Variants in PDE11A observed in about 807,000 individuals in gnomAD.
PDE11A encodes dual 3',5'-cyclic-AMP and -GMP phosphodiesterase 11A.
A neutral mutation model predicts 100.5 loss-of-function variants in PDE11A; 100 were observed. The ratio of observed to expected loss-of-function variants is 1.00; its 90% CI spans 0.85 to 1.18. PDE11A has a LOEUF of 1.18. Ranked by LOEUF, PDE11A falls within the 50% of genes most tolerant of loss-of-function variation. PDE11A has a pLI of 0.00. For missense variants in PDE11A, 1,141 were observed against 1,152.6 expected, an observed-to-expected ratio of 0.99 and a Z score of 0.15; for synonymous variants, 381 against 420.8, an observed-to-expected ratio of 0.91 and a Z score of 1.16.
chr2:177,714,544 G>T (rs1024079417), intron 12 of PDE11A, among the ~76,000 whole-genome samples: 7 of 152,158 alleles, frequency 4.6e-5, no homozygotes, highest in Admixed American at 1.3e-4. Flanking sequence ...AAGGGAGCAA[G>T]CTCCTAGCAT....
At chr2:177,749,764 T>G (rs909734205) in intron 10 of PDE11A, among the ~76,000 whole-genome samples, 11 of 152,336 alleles carry the variant, frequency 7.2e-5, no homozygotes, top group African/African-American at 2.6e-4. Flanking sequence ...TTGAATAATT[T>G]CTAAGGCCCT....
At position 178,072,686 on chromosome 2, in the gene PDE11A, C is replaced by T. The variant is rs2087153557; in HGVS notation, c.-249G>A. ...CGCACAGGTGCCCAGCACTGAGCTGCCGCCGCTGCCCCGGCTCCTGTTCCG... is the reference window on the plus strand; with the variant it reads ...CGCACAGGTGCCCAGCACTGAGCTGTCGCCGCTGCCCCGGCTCCTGTTCCG... On this transcript the variant is annotated 5_prime_UTR_variant, in exon 1 of 20. Coordinates refer to ENST00000286063, the MANE Select transcript of PDE11A (RefSeq NM_016953.4). The T allele has an allele frequency of 7.1e-7, 1 of 1,410,702 alleles. No individual in the cohort carries two copies. The highest frequency in any genetic ancestry group is 1.4e-5 in the African/African-American group (1 of 69,370). 87.4% of individuals were successfully genotyped at this position (1,410,702 alleles called of 1,614,324 possible).
Position 177,905,194 on chromosome 2 carries a change from C to A in PDE11A, c.1072-7G>T. On this transcript the variant is annotated splice_polypyrimidine_tract_variant and splice_region_variant and intron_variant, in intron 2 of 19. Coordinates refer to ENST00000286063, the MANE Select transcript of PDE11A (RefSeq NM_016953.4). ...GAAGATACATCTGCATAACCTGGGA[C>A]AAAGAGAGTAGTAAGAACATTAAAA... 6.6e-7 allele frequency: 1 copy of A among 1,508,142 alleles called. No homozygotes were observed. Among genetic ancestry groups the A allele is most frequent in the Non-Finnish European group, 9.2e-7 (1 of 1,082,776 alleles). The allele number at this position is 1,508,142 out of a possible 1,614,324, so 93.4% of individuals were successfully genotyped here. A position where few individuals can be genotyped will look rare whatever the true frequency, so the allele number is the denominator to read the frequency against.
chr2:177,696,798 G>A (rs1415659810), intron 15 of PDE11A, among the ~76,000 whole-genome samples: 2 of 152,150 alleles, frequency 1.3e-5, no homozygotes, highest in African/African-American at 4.8e-5. Context: ...AGGCTGCTAA[G>A]AGAGATGGCG....
intron 19 of PDE11A, among the ~76,000 whole-genome samples, chr2:177,658,452 C>CCCCTTCCCTCCTCTGCCTCTCCT (rs2080423091): frequency 6.6e-6 from 1 of 151,698 alleles, no homozygotes; most frequent in Non-Finnish European, 1.5e-5. Flanking sequence ...CTTCTCTCCT[C>CCCCTTCCCTCCTCTGCCTCTCCT]CCCTTCCCTC....
chr2:177,942,339 C>T (rs1400833021), intron 2 of PDE11A, among the ~76,000 whole-genome samples: 1 of 152,132 alleles, frequency 6.6e-6, no homozygotes. Context: ...TGGCACCTAA[C>T]AAGTGCCCAG....
Position 178,008,357 on chromosome 2 carries a change from T to C in PDE11A, c.1071+5945A>G, listed in dbSNP as rs2086237043. 2.0e-5 allele frequency among the ~76,000 whole-genome samples: 3 copies of C among 152,194 alleles called. No individual in the cohort carries two copies. In the South Asian group the frequency reaches 6.2e-4, roughly 32 times the overall value. On this transcript the variant is annotated intron_variant, in intron 2 of 19. Transcript: ENST00000286063. ...ATTAAGCTGATTAGTTGTTTGAGGG[T>C]TGGCTATTATAGTAGTACTACAGCT... is the stretch of plus-strand genomic sequence containing the variant.
intron 9 of PDE11A, chr2:177,797,329 T>C (rs1032097983): frequency 3.3e-5 from 5 of 152,176 alleles, no homozygotes; most frequent in African/African-American, 1.2e-4. Context: ...CTTCTAGCTG[T>C]GAAATGCAAG....
At chr2:177,956,610 C>T (rs926418618) in intron 2 of PDE11A, among the ~76,000 whole-genome samples, 90 of 152,284 alleles carry the variant, frequency 5.9e-4, no homozygotes, top group Non-Finnish European at 1.2e-3. Context: ...CACATGCACA[C>T]GTATGTTTAT....
chr2:178,103,914 AC>A (rs1470826505), intron 2 of PDE11A, among the ~76,000 whole-genome samples: 4 of 152,166 alleles, frequency 2.6e-5, no homozygotes, highest in African/African-American at 9.7e-5. Flanking sequence ...AAACAAAAAA[AC>A]ATGCTGAATA....
chr2:178,103,521 C>A lies in PDE11A; in HGVS notation c.162+781G>T, dbSNP rs1188306356. ...ATGTCTAATTATGTTATATAAATTTCACTTCAATAAAAATAATAAAAAGAA... is the reference window on the plus strand; with the variant it reads ...ATGTCTAATTATGTTATATAAATTTAACTTCAATAAAAATAATAAAAAGAA... On this transcript the variant is annotated intron_variant, in intron 2 of 20. Coordinates refer to the PDE11A transcript ENST00000358450. Among the ~76,000 whole-genome samples the A allele has an allele frequency of 2.6e-5, 4 of 151,902 alleles. No individual in the cohort carries two copies. The East Asian group carries it at 7.7e-4, about 29-fold the overall frequency.
At chr2:177,947,320 A>G (rs1361340768) in intron 2 of PDE11A, among the ~76,000 whole-genome samples, 25 of 149,190 alleles carry the variant, frequency 1.7e-4, no homozygotes, top group African/African-American at 6.2e-4. Flanking sequence ...TTTGTGGAAT[A>G]GAAAGGCGGG....
chr2:177,837,312 C>T (rs55889420), intron 6 of PDE11A, among the ~76,000 whole-genome samples: 31,737 of 152,020 alleles, frequency 0.21, 3,471 homozygotes, highest in Middle Eastern at 0.26. Flanking sequence ...TTCAAGTCAG[C>T]CCAGCAAACT....
At chr2:178,022,723 A>C (rs1051432367) in intron 1 of PDE11A, among the ~76,000 whole-genome samples, 22 of 152,202 alleles carry the variant, frequency 1.4e-4, no homozygotes, top group African/African-American at 5.3e-4. Context: ...AAGGATTATA[A>C]TGAAATATCA....
intron 13 of PDE11A, among the ~76,000 whole-genome samples, chr2:177,706,665 A>G (rs975909356): frequency 3.3e-5 from 5 of 152,200 alleles, no homozygotes; most frequent in Non-Finnish European, 7.3e-5. Flanking sequence ...TGACTCCATA[A>G]GGTAGGTGCA....
At chr2:177,984,527 A>G (rs554783372) in intron 2 of PDE11A, among the ~76,000 whole-genome samples, 1 of 152,300 alleles carries the variant, frequency 6.6e-6, no homozygotes, top group Admixed American at 6.5e-5. Context: ...ACCTAATTGT[A>G]TGTTTCAGTT....
At chr2:177,820,132 G>T in intron 7 of PDE11A, 88 bp downstream of exon 7, 2 of 754,480 alleles carry the variant, frequency 2.7e-6, no homozygotes, top group Non-Finnish European at 4.8e-6. Flanking sequence ...CATAAAAAGA[G>T]GGAACACATA....
At chr2:178,096,820 C>T (rs1480811044) in intron 2 of PDE11A, among the ~76,000 whole-genome samples, 1 of 152,204 alleles carries the variant, frequency 6.6e-6, no homozygotes, top group African/African-American at 2.4e-5. Context: ...TTCCTGTCTT[C>T]TGAGCCCTCC....
intron 3 of PDE11A, among the ~76,000 whole-genome samples, chr2:177,904,167 T>C (rs1251881555): frequency 6.6e-6 from 1 of 152,234 alleles, no homozygotes; most frequent in Non-Finnish European, 1.5e-5. Flanking sequence ...ATGAGTATAA[T>C]ATAATTTAAT....
Sources: allele counts gnomAD v4.1 joint callset (sites outside exome capture counted in the v4.1 genomes callset), GRCh38; gene constraint gnomAD v4.1.1; transcripts MANE v1.5; gene names NCBI Gene and HGNC (gene_info 2026-07-23, HGNC 2026-07-21).